The following RGSL1 variants were observed in gnomAD, a reference collection of about 807,000 sequenced individuals.
RGSL1 encodes regulator of G protein signaling protein-like.
Under a neutral mutation model 124.7 loss-of-function variants are expected in RGSL1, and 97 were observed. The ratio of observed to expected loss-of-function variants is 0.78; its 90% CI spans 0.66 to 0.92. The LOEUF is 0.92. Among genes scored for constraint, RGSL1 ranks in the 40% least tolerant of loss-of-function variants. RGSL1 has a pLI of 0.00. For missense variants in RGSL1, 1,233 were observed against 1,288.4 expected, an observed-to-expected ratio of 0.96 and a Z score of 0.66; for synonymous variants, 424 against 438.1, an observed-to-expected ratio of 0.97 and a Z score of 0.40.
At chr1:182,470,945 AC>A in intron 4 of RGSL1, among the ~76,000 whole-genome samples, 1 of 152,154 alleles carries the variant, frequency 6.6e-6, no homozygotes, top group South Asian at 2.1e-4. Context: ...TATTCAACTA[AC>A]CCCCTTCAAT....
intron 10 of RGSL1, among the ~76,000 whole-genome samples, chr1:182,523,592 A>G (rs1171809031): frequency 2.0e-5 from 3 of 152,222 alleles, no homozygotes; most frequent in Non-Finnish European, 4.4e-5. Context: ...ATTAAGTCCT[A>G]GAAGACATAT....
chr1:182,513,131 A>T lies in RGSL1; in HGVS notation c.1826-8873A>T, dbSNP rs1657586989. Among the ~76,000 whole-genome samples the T allele has an allele frequency of 2.0e-5, 3 of 152,250 alleles. 1 individual carries two copies. In the South Asian group the frequency reaches 6.2e-4, roughly 31 times the overall value. On this transcript the variant is annotated intron_variant, in intron 9 of 21. Coordinates refer to ENST00000294854, the MANE Select transcript of RGSL1 (RefSeq NM_001137669.2). ...GCCAGGGAACTGCCCTCGCCTACCC[A>T]GTATTTCTCTGTCTACTGTTGATAT... is the stretch of plus-strand genomic sequence containing the variant.
chr1:182,471,678 G>A (rs1653856407), intron 4 of RGSL1, among the ~76,000 whole-genome samples: 1 of 152,148 alleles, frequency 6.6e-6, no homozygotes, highest in South Asian at 2.1e-4. Context: ...AGAGCCATAA[G>A]TCCCTGCTTC....
At chr1:182,546,238 A>G (rs932520216) in intron 15 of RGSL1, among the ~76,000 whole-genome samples, 1 of 152,130 alleles carries the variant, frequency 6.6e-6, no homozygotes, top group South Asian at 2.1e-4. Flanking sequence ...CTATGCTAAC[A>G]TTTTGGAACC....
At chr1:182,450,206 G>T (rs1651701307) in intron 1 of RGSL1, 28 bp downstream of exon 1, 2 of 1,551,948 alleles carry the variant, frequency 1.3e-6, no homozygotes, top group Admixed American at 3.9e-5. Context: ...ATGTCTCCAA[G>T]GCCTTGAGTC....
In RGSL1 at chr1:182,454,190, A is replaced by G. The variant is rs145214135; in HGVS notation, c.96+150A>G. On this transcript the variant is annotated intron_variant, in intron 2 of 21. Transcript: ENST00000294854. ...AAAAAAACTCTTTTAATTTGAGCAA[A>G]TAAACATGAACCAGAACCACCTGTA... The G allele has an allele frequency of 3.4e-5, 21 of 616,812 alleles. No homozygotes were observed. The African/African-American group carries it at 3.7e-4, about 11-fold the overall frequency. The allele number at this position is 616,812 out of a possible 1,614,324, so 38.2% of individuals were successfully genotyped here. A position where few individuals can be genotyped will look rare whatever the true frequency, so the allele number is the denominator to read the frequency against.
At chr1:182,526,594 C>T (rs267878) in intron 10 of RGSL1, among the ~76,000 whole-genome samples, 131,349 of 151,972 alleles carry the variant, frequency 0.86, 57,086 homozygotes, top group Non-Finnish European at 0.89. Context: ...ATCACTTGAG[C>T]CTGGGAGGTC....
intron 15 of RGSL1, among the ~76,000 whole-genome samples, chr1:182,543,538 T>C (rs1319894920): frequency 6.6e-6 from 1 of 152,082 alleles, no homozygotes; most frequent in Non-Finnish European, 1.5e-5. Flanking sequence ...TCTCTAGTTT[T>C]GGTATTGGGT....
intron 6 of RGSL1, among the ~76,000 whole-genome samples, chr1:182,485,419 G>A (rs1047430793): frequency 3.9e-5 from 6 of 152,120 alleles, no homozygotes; most frequent in African/African-American, 1.4e-4. Flanking sequence ...AGTGCTGGGG[G>A]CTTCTAGTCA....
intron 2 of RGSL1, among the ~76,000 whole-genome samples, chr1:182,454,424 ACC>A (rs1462128220): frequency 6.6e-6 from 1 of 152,048 alleles, no homozygotes; most frequent in Non-Finnish European, 1.5e-5. Context: ...TGCCAGGAAT[ACC>A]TTTCCCATAG....
At chr1:182,541,493 T>C (rs1430659046) in intron 15 of RGSL1, among the ~76,000 whole-genome samples, 1 of 152,196 alleles carries the variant, frequency 6.6e-6, no homozygotes, top group Non-Finnish European at 1.5e-5. Flanking sequence ...GGCACTTAGG[T>C]TGATTCCATA....
intron 9 of RGSL1, among the ~76,000 whole-genome samples, chr1:182,513,541 T>C (rs1220105944): frequency 6.6e-6 from 1 of 152,208 alleles, no homozygotes; most frequent in Non-Finnish European, 1.5e-5. Flanking sequence ...GCAGTTAAAC[T>C]TTAGAAGAGA....
intron 9 of RGSL1, among the ~76,000 whole-genome samples, chr1:182,519,897 T>C (rs529081580): frequency 2.6e-5 from 4 of 152,174 alleles, no homozygotes; most frequent in Non-Finnish European, 5.9e-5. Flanking sequence ...ACTTTTTATT[T>C]CTAGAATTTA....
At chr1:182,494,655 C>G (rs1655788219) in intron 9 of RGSL1, among the ~76,000 whole-genome samples, 2 of 152,152 alleles carry the variant, frequency 1.3e-5, no homozygotes, top group African/African-American at 4.8e-5. Context: ...ACACTTCTTT[C>G]ATTCATTGGT....
At chr1:182,454,981 T>C (rs1652180474) in intron 2 of RGSL1, among the ~76,000 whole-genome samples, 1 of 152,054 alleles carries the variant, frequency 6.6e-6, no homozygotes, top group Middle Eastern at 3.2e-3. Flanking sequence ...CCACACATGG[T>C]TATTGGGTGG....
intron 3 of RGSL1, among the ~76,000 whole-genome samples, chr1:182,459,651 G>C (rs1394408856): frequency 6.6e-6 from 1 of 152,210 alleles, no homozygotes; most frequent in Non-Finnish European, 1.5e-5. Flanking sequence ...GTTGAATAGA[G>C]TTATGATCTG....
chr1:182,514,743 A>G (rs1234221912), intron 9 of RGSL1, among the ~76,000 whole-genome samples: 1 of 152,210 alleles, frequency 6.6e-6, no homozygotes, highest in Admixed American at 6.5e-5. Flanking sequence ...GAAGCTGGAT[A>G]GGACCTTTCT....
intron 9 of RGSL1, among the ~76,000 whole-genome samples, chr1:182,497,266 TATGTGTGTGTGTGTGC>T (rs1371765775): frequency 2.0e-5 from 3 of 149,726 alleles, no homozygotes; most frequent in East Asian, 3.9e-4. Flanking sequence ...AGACTGTGTG[TATGTGTGTGTGTGTGC>T]ATGTGTGTGT....
intron 15 of RGSL1, among the ~76,000 whole-genome samples, chr1:182,543,988 T>C (rs1279084957): frequency 6.6e-6 from 1 of 152,094 alleles, no homozygotes; most frequent in African/African-American, 2.4e-5. Context: ...ATTTTTAGTC[T>C]TAATTTCATT....
Sources: allele counts gnomAD v4.1 joint callset (sites outside exome capture counted in the v4.1 genomes callset), GRCh38; gene constraint gnomAD v4.1.1; transcripts MANE v1.5; gene names NCBI Gene and HGNC (gene_info 2026-07-23, HGNC 2026-07-21).